Variants in ADCY10 observed in about 807,000 individuals in gnomAD.
The protein encoded by ADCY10 is adenylate cyclase 10.
A neutral mutation model predicts 183.3 loss-of-function variants in ADCY10; 156 were observed. The ratio of observed to expected loss-of-function variants is 0.85; its 90% CI spans 0.75 to 0.97. The LOEUF (loss-of-function observed/expected upper bound fraction) is 0.97, where lower values mean the gene tolerates loss of function less well. ADCY10 is among the 50% of genes least tolerant of loss of function. The pLI is 0.00. For synonymous variants in ADCY10, 645 were observed against 670.0 expected (o/e 0.96, Z 0.58); for missense variants, 1,745 against 1,934.3 (o/e 0.90, Z 1.84).
chr1:167,880,442 G>A (rs747836471), intron 10 of ADCY10, 49 bp downstream of exon 10: 6 of 1,334,860 alleles, frequency 4.5e-6, no homozygotes, highest in Non-Finnish European at 6.5e-6. Context: ...CCCTACTTAT[G>A]CCTCAAAAGG....
intron 15 of ADCY10, among the ~76,000 whole-genome samples, chr1:167,860,295 G>A (rs1666198350): frequency 6.6e-6 from 1 of 152,070 alleles, no homozygotes; most frequent in Non-Finnish European, 1.5e-5. Context: ...TTCTCATAAG[G>A]AGCATGCAAC....
At chr1:167,856,512 A>G (rs1175887874) in intron 16 of ADCY10, 73 bp from the exon 17 acceptor site, 16 of 1,461,550 alleles carry the variant, frequency 1.1e-5, no homozygotes, top group Admixed American at 3.4e-5. Flanking sequence ...ATGGGTATGC[A>G]TATGTATCCA....
intron 9 of ADCY10, among the ~76,000 whole-genome samples, chr1:167,882,349 G>C (rs190721002): frequency 6.6e-6 from 1 of 152,126 alleles, no homozygotes; most frequent in East Asian, 1.9e-4. Context: ...GCCAGGTGTG[G>C]TGGCGCATGC....
At chr1:167,860,769 C>T in intron 15 of ADCY10, 102 bp downstream of exon 15, 1 of 960,720 alleles carries the variant, frequency 1.0e-6, no homozygotes, top group Non-Finnish European at 1.7e-6. Context: ...CTGGATACTG[C>T]AGATATACAG....
intron 21 of ADCY10, among the ~76,000 whole-genome samples, chr1:167,842,703 T>TGAA (rs1664745460): frequency 6.6e-6 from 1 of 152,156 alleles, no homozygotes; most frequent in Non-Finnish European, 1.5e-5. Flanking sequence ...GTCTTAATAA[T>TGAA]GTAAACACTT....
At chr1:167,862,887 T>G (rs1291147990) in intron 14 of ADCY10, among the ~76,000 whole-genome samples, 1 of 152,214 alleles carries the variant, frequency 6.6e-6, no homozygotes, top group Non-Finnish European at 1.5e-5. Context: ...TCATCACCAC[T>G]GTTATTGAAT....
chr1:167,882,061 T>G (rs899137595), intron 9 of ADCY10, among the ~76,000 whole-genome samples: 1 of 152,200 alleles, frequency 6.6e-6, no homozygotes, highest in Admixed American at 6.5e-5. Flanking sequence ...AATTAGTGAG[T>G]GAGTGGATGT....
chr1:167,901,667 T>C lies in ADCY10; in HGVS notation c.431A>G (p.Lys144Arg), dbSNP rs747318930. 6.2e-7 allele frequency: 1 copy of C among 1,614,110 alleles called. No homozygotes were observed. The highest frequency in any genetic ancestry group is 1.1e-5 in the South Asian group (1 of 91,080). Residue 144 changes from lysine to arginine, a missense_variant, in exon 5 of 33, where the codon AAG becomes AGG. Transcript: ENST00000367851. ...EWEEGLDIRVKIGLAAGHISM... is the reference protein window; with the variant it reads ...EWEEGLDIRVRIGLAAGHISM... ...ATTCCTTCTCAAATGCTTACCTATC[T>C]TGACTCGGATGTCTAGGCCTTCTTC...
chr1:167,818,788 C>T (rs1181863954), intron 30 of ADCY10, among the ~76,000 whole-genome samples: 1 of 152,226 alleles, frequency 6.6e-6, no homozygotes, highest in Non-Finnish European at 1.5e-5. Context: ...ATCCACCCGC[C>T]TTGGCCTCCC....
chr1:167,818,131 G>A lies in ADCY10; in HGVS notation c.4423C>T (p.Gln1475Ter). 6.2e-7 allele frequency: 1 copy of A among 1,614,208 alleles called. No homozygotes were observed. The highest frequency in any genetic ancestry group is 8.5e-7 in the Non-Finnish European group (1 of 1,180,036). ...RYMEGQVLHL[Q>*]KQIKEQSENA... ...TCTGACTGTTCTTTGATTTGTTTTTGAAGGTGAAGAACTTGCCCCTCCATG... is the reference window on the plus strand; with the variant it reads ...TCTGACTGTTCTTTGATTTGTTTTTAAAGGTGAAGAACTTGCCCCTCCATG... The change falls in exon 31 of 33, where the codon CAA (glutamine) becomes TAA (stop). Residue 1475 changes from glutamine (Q) to a stop codon, truncating the protein, a stop_gained. Coordinates refer to ENST00000367851, the MANE Select transcript of ADCY10 (RefSeq NM_018417.6). LOFTEE classifies it high-confidence loss of function.
chr1:167,856,504 G>A, intron 16 of ADCY10, 65 bp from the exon 17 acceptor site: 1 of 1,523,424 alleles, frequency 6.6e-7, no homozygotes, highest in Non-Finnish European at 9.1e-7. Context: ...ACACATGTAT[G>A]GGTATGCATA....
intron 30 of ADCY10, 136 bp downstream of exon 30, chr1:167,821,888 G>C (rs549621549): frequency 1.4e-6 from 1 of 727,240 alleles, no homozygotes; most frequent in African/African-American, 1.7e-5. Context: ...ATGTCTCTCT[G>C]TGTAAATATC....
chr1:167,809,647 G>C lies in ADCY10; in HGVS notation c.*31C>G. 1 of 1,611,342 alleles carries C rather than the reference G, an allele frequency of 6.2e-7. No homozygotes were observed. Among genetic ancestry groups the C allele is most frequent in the Non-Finnish European group, 8.5e-7 (1 of 1,177,506 alleles). Reference sequence around the variant, plus strand: ...AATAATAGATAATCACAAGGACATAGTGCTTATTAAAATCTTTTTTCTTTG... The same window carrying C: ...AATAATAGATAATCACAAGGACATACTGCTTATTAAAATCTTTTTTCTTTG... On this transcript the variant is annotated 3_prime_UTR_variant, in exon 33 of 33. Transcript: ENST00000367851.
intron 30 of ADCY10, chr1:167,819,970 T>G: frequency 7.3e-7 from 1 of 1,371,056 alleles, no homozygotes; most frequent in Non-Finnish European, 1.0e-6. Context: ...ATTCTTCCAT[T>G]GTTTTGCCAC....
Position 167,861,019 on chromosome 1 carries a change from A to G in ADCY10, c.1661T>C (p.Phe554Ser). ...SLNKISFHQT[F>S]YTIQMFMANV... The stretch of plus-strand genomic sequence containing the variant: ...GGCCATGAACATCTGGATGGTATAG[A>G]AAGTTTGATGGAAGCTGATCTTATT... Residue 554 changes from phenylalanine (F) to serine (S), a missense_variant, in exon 15 of 33, where the codon TTC becomes TCC. Physicochemically the swap from Phe to Ser is radical, Grantham distance 155 (BLOSUM62 -2). Transcript: ENST00000367851. 6.2e-7 allele frequency: 1 copy of G among 1,614,166 alleles called. No homozygotes were observed. Among genetic ancestry groups the G allele is most frequent in the South Asian group, 1.1e-5 (1 of 91,074 alleles).
chr1:167,891,282 ACT>A (rs1311944299), intron 8 of ADCY10, among the ~76,000 whole-genome samples: 1 of 150,788 alleles, frequency 6.6e-6, no homozygotes, highest in Non-Finnish European at 1.5e-5. Context: ...AATCTGCCAC[ACT>A]CTCCTGCCTC....
chr1:167,898,142 C>G (rs969856867), intron 6 of ADCY10, among the ~76,000 whole-genome samples: 1 of 151,018 alleles, frequency 6.6e-6, no homozygotes, highest in African/African-American at 2.4e-5. Context: ...TAGTATTGTA[C>G]CAATGTTAAT....
rs747882098 is a variant in ADCY10 at position 167,848,492 on chromosome 1, A to G, written c.2309-3T>C. On this transcript the variant is annotated splice_polypyrimidine_tract_variant and splice_region_variant and intron_variant, in intron 18 of 32. Transcript: ENST00000367851. ...CTCTGTTAGCTTAATGGAATACTCT[A>G]CAGGGGTATAAAAGGGAAGAAAAGT... The G allele has an allele frequency of 3.1e-6, 5 of 1,613,670 alleles. No individual in the cohort carries two copies. The highest frequency in any genetic ancestry group is 4.2e-6 in the Non-Finnish European group (5 of 1,179,638).
At chr1:167,893,450 T>C (rs1668736075) in intron 8 of ADCY10, among the ~76,000 whole-genome samples, 1 of 152,188 alleles carries the variant, frequency 6.6e-6, no homozygotes, top group Non-Finnish European at 1.5e-5. Flanking sequence ...TGGTGGCTCA[T>C]GCCCATAATC....
Sources: gnomAD v4.1 joint callset for allele counts (sites outside exome capture counted in the v4.1 genomes callset) on GRCh38, gnomAD v4.1.1 for gene constraint, MANE v1.5 for transcripts, NCBI Gene and HGNC (gene_info 2026-07-23, HGNC 2026-07-21) for gene names.